The following SGCZ variants were observed in gnomAD, a reference collection of about 807,000 sequenced individuals.
SGCZ encodes the protein zeta-sarcoglycan.
A neutral mutation model predicts 41.3 loss-of-function variants in SGCZ; 40 were observed. The observed-to-expected ratio is 0.97, with a 90% CI of 0.75 to 1.26. The LOEUF (loss-of-function observed/expected upper bound fraction) is 1.26. Among genes scored for constraint, SGCZ ranks in the 50% most tolerant of loss-of-function variants. The pLI is 0.00. For synonymous variants in SGCZ, 206 were observed against 137.5 expected, an observed-to-expected ratio of 1.50 and a Z score of -3.49; for missense variants, 552 against 369.8, an observed-to-expected ratio of 1.49 and a Z score of -4.04.
At chr8:14,130,730 G>A (rs748028419) in intron 5 of SGCZ, among the ~76,000 whole-genome samples, 1 of 152,172 alleles carries the variant, frequency 6.6e-6, no homozygotes, top group Non-Finnish European at 1.5e-5. Context: ...TATGCAAGCT[G>A]GATGCTTGCA....
chr8:14,283,747 C>A (rs1800527676), intron 3 of SGCZ, among the ~76,000 whole-genome samples: 1 of 152,090 alleles, frequency 6.6e-6, no homozygotes, highest in Non-Finnish European at 1.5e-5. Context: ...GATTTCTGGG[C>A]CATATGGTCT....
chr8:14,575,784 T>C (rs1195402557), intron 1 of SGCZ, among the ~76,000 whole-genome samples: 4 of 151,952 alleles, frequency 2.6e-5, no homozygotes, highest in Admixed American at 6.6e-5. Context: ...AACATGCCTG[T>C]AATCCCAGCT....
intron 4 of SGCZ, among the ~76,000 whole-genome samples, chr8:14,204,266 A>C (rs1004533526): frequency 2.1e-5 from 3 of 141,094 alleles, no homozygotes; most frequent in African/African-American, 8.1e-5. Flanking sequence ...GGTTCTTCTC[A>C]CTTCACTCTG....
chr8:14,193,241 A>G (rs1805161295), intron 4 of SGCZ, among the ~76,000 whole-genome samples: 1 of 151,878 alleles, frequency 6.6e-6, no homozygotes, highest in South Asian at 2.1e-4. Context: ...CACTACATGG[A>G]ATAATTTTGT....
At chr8:14,696,704 G>C (rs997507941) in intron 1 of SGCZ, among the ~76,000 whole-genome samples, 3 of 151,828 alleles carry the variant, frequency 2.0e-5, no homozygotes, top group Non-Finnish European at 2.9e-5. Flanking sequence ...TAGCCCCATT[G>C]TCTCATTTTG....
chr8:14,608,447 G>A (rs1805822773), intron 1 of SGCZ, among the ~76,000 whole-genome samples: 1 of 149,898 alleles, frequency 6.7e-6, no homozygotes, highest in South Asian at 2.2e-4. Flanking sequence ...AAGGGGCGGG[G>A]AGGCGGGGGG....
At chr8:14,360,650 T>A (rs902537743) in intron 2 of SGCZ, among the ~76,000 whole-genome samples, 6 of 152,074 alleles carry the variant, frequency 3.9e-5, no homozygotes, top group Admixed American at 1.3e-4. Flanking sequence ...TTATTTATTT[T>A]TTATCGCTAA....
rs966696611 is a variant in SGCZ at position 14,086,435 on chromosome 8, C to G, written c.*4008G>C. Among the ~76,000 whole-genome samples, 4 of 151,608 alleles carry G rather than the reference C, an allele frequency of 2.6e-5. No individual in the cohort carries two copies. In the Admixed American group the frequency reaches 2.6e-4, roughly 10 times the overall value. On this transcript the variant is annotated 3_prime_UTR_variant, in exon 8 of 8. Coordinates refer to ENST00000382080, the MANE Select transcript of SGCZ (RefSeq NM_139167.4). ...TGCTATTTTTGTAAAACGAGGCATT[C>G]TCTGATTGAGTCATTCGATAGAATA... is the stretch of plus-strand genomic sequence containing the variant.
chr8:14,816,892 A>C (rs1393914421), intron 1 of SGCZ, among the ~76,000 whole-genome samples: 1 of 152,234 alleles, frequency 6.6e-6, no homozygotes, highest in Admixed American at 6.5e-5. Flanking sequence ...CCATGTCTGC[A>C]CTTATCAATT....
intron 2 of SGCZ, among the ~76,000 whole-genome samples, chr8:14,432,143 G>A (rs1027687344): frequency 6.6e-6 from 1 of 152,158 alleles, no homozygotes; most frequent in Non-Finnish European, 1.5e-5. Flanking sequence ...AGAACTAAAA[G>A]TAGAACTACC....
intron 1 of SGCZ, among the ~76,000 whole-genome samples, chr8:15,151,901 C>A (rs192644371): frequency 2.0e-5 from 3 of 151,982 alleles, no homozygotes; most frequent in South Asian, 2.1e-4. Flanking sequence ...GCATTTGAAG[C>A]GGTTAATCCA....
intron 1 of SGCZ, among the ~76,000 whole-genome samples, chr8:14,806,517 C>T (rs532001495): frequency 3.4e-4 from 51 of 152,230 alleles, no homozygotes; most frequent in African/African-American, 1.1e-3. Flanking sequence ...TACACTTTCC[C>T]AAGACTAAAC....
chr8:15,030,128 T>A (rs944725070), intron 1 of SGCZ, among the ~76,000 whole-genome samples: 1 of 152,134 alleles, frequency 6.6e-6, no homozygotes, highest in African/African-American at 2.4e-5. Flanking sequence ...AATAGCAGCA[T>A]TGTGTACAAG....
At position 14,502,892 on chromosome 8, in the gene SGCZ, C is replaced by A. The variant is rs567545579; in HGVS notation, c.234+51840G>T. Among the ~76,000 whole-genome samples, 6 of 152,242 alleles carry A rather than the reference C, an allele frequency of 3.9e-5. No individual in the cohort carries two copies. The East Asian group carries it at 1.2e-3, about 29-fold the overall frequency. On this transcript the variant is annotated intron_variant, in intron 2 of 7. Transcript: ENST00000382080. Reference sequence around the variant, plus strand: ...CATTGTGGAAGACAGTGTGGTGATTCCTCAAGGATCTAGAACCAGAAATAC... The same window carrying A: ...CATTGTGGAAGACAGTGTGGTGATTACTCAAGGATCTAGAACCAGAAATAC...
chr8:15,063,599 T>C (rs1016568115), intron 1 of SGCZ, among the ~76,000 whole-genome samples: 1 of 152,056 alleles, frequency 6.6e-6, no homozygotes, highest in Non-Finnish European at 1.5e-5. Flanking sequence ...ACTTCAACTT[T>C]TGCCACAGCT....
At chr8:14,453,008 C>T (rs1262028698) in intron 2 of SGCZ, among the ~76,000 whole-genome samples, 1 of 152,034 alleles carries the variant, frequency 6.6e-6, no homozygotes, top group Non-Finnish European at 1.5e-5. Flanking sequence ...GAGGCTGAGG[C>T]ACAAGAATCG....
intron 1 of SGCZ, among the ~76,000 whole-genome samples, chr8:14,843,733 T>G (rs78745164): frequency 0.021 from 3,187 of 152,186 alleles, 119 homozygotes; most frequent in East Asian, 0.17. Context: ...AACGTGGTCT[T>G]TATAAAACAC....
intron 1 of SGCZ, among the ~76,000 whole-genome samples, chr8:14,803,449 G>C (rs1280170975): frequency 6.6e-6 from 1 of 152,104 alleles, no homozygotes; most frequent in Non-Finnish European, 1.5e-5. Context: ...CCCTTTCCTA[G>C]TCAAAGAAAG....
intron 1 of SGCZ, among the ~76,000 whole-genome samples, chr8:15,037,830 G>A (rs2130970684): frequency 6.6e-6 from 1 of 152,236 alleles, no homozygotes; most frequent in South Asian, 2.1e-4. Context: ...TCTATACACT[G>A]ACATAAACAC....
Sources: allele counts gnomAD v4.1 joint callset (sites outside exome capture counted in the v4.1 genomes callset), GRCh38; gene constraint gnomAD v4.1.1; transcripts MANE v1.5; gene names NCBI Gene and HGNC (gene_info 2026-07-23, HGNC 2026-07-21).